The following SLC44A4 variants were observed in gnomAD, a reference collection of about 807,000 sequenced individuals.
SLC44A4 encodes choline transporter-like protein 4.
A neutral mutation model predicts 97.0 loss-of-function variants in SLC44A4; 74 were observed. That is an observed-to-expected ratio of 0.76 (90% CI 0.63 to 0.93). The LOEUF (loss-of-function observed/expected upper bound fraction) is 0.93, where lower values mean the gene tolerates loss of function less well. Among genes scored for constraint, SLC44A4 ranks in the 40% least tolerant of loss-of-function variants. The pLI is 0.00. For missense variants in SLC44A4, 799 were observed against 902.9 expected (o/e 0.88, Z 1.48); for synonymous variants, 325 against 363.8 (o/e 0.89, Z 1.21).
chr6:31,864,532 G>T, intron 20 of SLC44A4, 120 bp downstream of exon 20: 1 of 920,294 alleles, frequency 1.1e-6, no homozygotes, highest in Non-Finnish European at 1.7e-6. Context: ...AGCTCCCTCT[G>T]GTTCGTTTAG....
In SLC44A4 at chr6:31,863,294, C is replaced by T; in HGVS notation, c.*333G>A. 2 of 266,716 alleles carry T rather than the reference C, an allele frequency of 7.5e-6. No individual in the cohort carries two copies. Among genetic ancestry groups the T allele is most frequent in the Non-Finnish European group, 1.4e-5 (2 of 140,572 alleles). The allele number at this position is 266,716 out of a possible 1,614,324, so 16.5% of individuals were successfully genotyped here. A position where few individuals can be genotyped will look rare whatever the true frequency, so the allele number is the denominator to read the frequency against. ...AGGTTGGAGTGCAGTGGCGCGATCT[C>T]GGCTCACTGCAACCTCTGCCTCCCG... On this transcript the variant is annotated 3_prime_UTR_variant, in exon 21 of 21. Transcript: ENST00000229729.
chr6:31,863,659 C>T lies in SLC44A4; in HGVS notation c.2101G>A (p.Ala701Thr). The T allele has an allele frequency of 6.2e-7, 1 of 1,612,216 alleles. No homozygotes were observed. The highest frequency in any genetic ancestry group is 8.5e-7 in the Non-Finnish European group (1 of 1,179,728). The change falls in exon 21 of 21, where the codon GCG becomes ACG. Residue 701 changes from alanine to threonine, a missense_variant. Around this residue, in one of 3 missense-constraint regions of SLC44A4, gnomAD observed 379 missense variants for 438.3 expected, o/e 0.86. Coordinates refer to ENST00000229729, the MANE Select transcript of SLC44A4 (RefSeq NM_025257.3). Reference sequence around the variant, plus strand: ...TTCCTCTTCTTGTTGTCCGGGGGCGCCTCGTTCTTCTTGCCCAGAATCTTT... The same window carrying T: ...TTCCTCTTCTTGTTGTCCGGGGGCGTCTCGTTCTTCTTGCCCAGAATCTTT... ...LLKILGKKNE[A>T]PPDNKKRKK
At position 31,877,066 on chromosome 6, in the gene SLC44A4, GTA is replaced by G; in HGVS notation, c.55_56del (p.Tyr19ArgfsTer64). On this transcript the variant is annotated frameshift_variant, in exon 2 of 21. Transcript: ENST00000229729. LOFTEE classifies it high-confidence loss of function. The surrounding 1 kb of genome is among the most constrained non-coding windows in gnomAD (Gnocchi z 6.5). ...TGATGGGGCCTCGAAAGGAGGGGTCGTATTTGACTGGCTTCCCTGAGGGACAT... is the reference window on the plus strand; with the variant it reads ...TGATGGGGCCTCGAAAGGAGGGGTCGTTTGACTGGCTTCCCTGAGGGACAT... The part of the protein sequence containing the change: ...DDEAYGKPVK[Y>X]DPSFRGPIKN... 6.2e-7 allele frequency: 1 copy of G among 1,610,312 alleles called. No individual in the cohort carries two copies. The highest frequency in any genetic ancestry group is 1.7e-5 in the Admixed American group (1 of 59,586).
chr6:31,872,338 C>T (rs576433553), intron 7 of SLC44A4, among the ~76,000 whole-genome samples: 48 of 152,218 alleles, frequency 3.2e-4, no homozygotes, highest in African/African-American at 9.6e-4. Flanking sequence ...TGGGCTCAAG[C>T]GATCCTCCCC....
rs1231310506 is a variant in SLC44A4, at chr6:31,870,827, TCTC to T, written c.919_921del (p.Glu307del). On this transcript the variant is annotated inframe_deletion, in exon 10 of 21. Transcript: ENST00000229729. Reference sequence around the variant, plus strand: ...GGACACTCACGGGCGGCCAGCCAGGTCTCCTGCACGCTCTGGTAGGCACTGAGG... The same window carrying T: ...GGACACTCACGGGCGGCCAGCCAGGTCTGCACGCTCTGGTAGGCACTGAGG... The T allele has an allele frequency of 5.6e-6, 9 of 1,612,950 alleles. No homozygotes were observed. The highest frequency in any genetic ancestry group is 5.9e-6 in the Non-Finnish European group (7 of 1,179,988).
At chr6:31,869,383 G>A in intron 12 of SLC44A4, 126 bp from the exon 13 acceptor site, 1 of 953,994 alleles carries the variant, frequency 1.0e-6, no homozygotes, top group South Asian at 1.6e-5. Context: ...TTCAGCCTGT[G>A]TGCACCCTTT....
In SLC44A4 at chr6:31,866,067, G is replaced by A; in HGVS notation, c.1293C>T (p.Ser431=). The A allele has an allele frequency of 6.2e-7, 1 of 1,614,206 alleles. No individual in the cohort carries two copies. The highest frequency in any genetic ancestry group is 1.1e-5 in the South Asian group (1 of 91,090). The change falls in exon 14 of 21, where the codon TCC becomes TCT. Residue 431 remains serine (S), a synonymous_variant. Coordinates refer to ENST00000229729, the MANE Select transcript of SLC44A4 (RefSeq NM_025257.3). The part of the protein sequence containing the change: ...GLMCVFQGYS[S]KGLIQRSVFN... ...AGACAGAACGTTGGATTAGGCCTTT[G>A]GATGAGTAGCCCTGGAAGACGCACA... is the stretch of plus-strand genomic sequence containing the variant.
chr6:31,864,219 C>T (rs1473831339), intron 20 of SLC44A4, among the ~76,000 whole-genome samples: 1 of 152,144 alleles, frequency 6.6e-6, no homozygotes, highest in African/African-American at 2.4e-5. Flanking sequence ...GGATTACAGG[C>T]GCCCGCCACC....
At position 31,865,627 on chromosome 6, in the gene SLC44A4, G is replaced by T. The variant is rs1057214009; in HGVS notation, c.1583-26C>A. On this transcript the variant is annotated intron_variant, in intron 15 of 20. Coordinates refer to ENST00000229729, the MANE Select transcript of SLC44A4 (RefSeq NM_025257.3). The surrounding 1 kb of genome is among the most constrained non-coding windows in gnomAD (Gnocchi z 5.2). ...CTGGGAGCGAGGAAGGCTCATGTTT[G>T]GTCACTGCCCCTCCCTAATGGCCTT... 5 of 1,609,468 alleles carry T rather than the reference G, an allele frequency of 3.1e-6. No individual in the cohort carries two copies. The highest frequency in any genetic ancestry group is 4.2e-6 in the Non-Finnish European group (5 of 1,177,002).
chr6:31,877,065 C>A lies in SLC44A4; in HGVS notation c.58G>T (p.Asp20Tyr). 6.2e-7 allele frequency: 1 copy of A among 1,610,408 alleles called. No individual in the cohort carries two copies. The highest frequency in any genetic ancestry group is 1.3e-5 in the African/African-American group (1 of 75,010). ...DEAYGKPVKY[D>Y]PSFRGPIKNR... ...TTGATGGGGCCTCGAAAGGAGGGGT[C>A]GTATTTGACTGGCTTCCCTGAGGGA... is the stretch of plus-strand genomic sequence containing the variant. The change falls in exon 2 of 21, where the codon GAC becomes TAC. Residue 20 changes from aspartate to tyrosine, a missense_variant. Transcript: ENST00000229729. This position sits in a 1 kb window ranked among gnomAD's most constrained non-coding sequence, Gnocchi z 6.5.
At chr6:31,869,286 ACACGAGGT>A (rs1306396740) in intron 12 of SLC44A4, 29 bp from the exon 13 acceptor site, 1 of 1,551,418 alleles carries the variant, frequency 6.4e-7, no homozygotes, top group Admixed American at 1.8e-5. Context: ...AAGCATGATC[ACACGAGGT>A]CTCCACAGGT....
chr6:31,874,911 C>T lies in SLC44A4; in HGVS notation c.342+18G>A, dbSNP rs1763363041. The stretch of plus-strand genomic sequence containing the variant: ...CCCTGGGTGAGATCTGGGGTAGAGG[C>T]AGGTCCCAGGCTCTGACCTGGGGTG... On this transcript the variant is annotated intron_variant, in intron 5 of 20. Coordinates refer to ENST00000229729, the MANE Select transcript of SLC44A4 (RefSeq NM_025257.3). The surrounding 1 kb of genome is among the most constrained non-coding windows in gnomAD (Gnocchi z 4.8). 5 of 1,613,662 alleles carry T rather than the reference C, an allele frequency of 3.1e-6. No homozygotes were observed. The highest frequency in any genetic ancestry group is 4.2e-6 in the Non-Finnish European group (5 of 1,179,878).
chr6:31,865,245 C>G lies in SLC44A4; in HGVS notation c.1760+70G>C. On this transcript the variant is annotated intron_variant, in intron 17 of 20. Coordinates refer to ENST00000229729, the MANE Select transcript of SLC44A4 (RefSeq NM_025257.3). The surrounding 1 kb of genome is among the most constrained non-coding windows in gnomAD (Gnocchi z 5.2). The stretch of plus-strand genomic sequence containing the variant: ...GTCTAGGGCCCGACTGAGCACAGCA[C>G]ACCCACGAAGCCAGCCTTGGGTGGG... 6.3e-7 allele frequency: 1 copy of G among 1,584,518 alleles called. No homozygotes were observed. Among genetic ancestry groups the G allele is most frequent in the Non-Finnish European group, 8.7e-7 (1 of 1,153,310 alleles).
intron 10 of SLC44A4, 41 bp from the exon 11 acceptor site, chr6:31,870,743 G>T: frequency 6.2e-7 from 1 of 1,611,260 alleles, no homozygotes; most frequent in Non-Finnish European, 8.5e-7. Flanking sequence ...CAGGGCCAGG[G>T]CTGGGGCCGG....
At chr6:31,868,069 C>T (rs778978219) in intron 13 of SLC44A4, among the ~76,000 whole-genome samples, 9 of 152,136 alleles carry the variant, frequency 5.9e-5, no homozygotes, top group Non-Finnish European at 8.8e-5. Flanking sequence ...CTGCCCACCT[C>T]GGCCTCCTAA....
In SLC44A4 at chr6:31,875,015, G is replaced by T. The variant is rs144798042; in HGVS notation, c.256C>A (p.Leu86Ile). 9 of 1,612,308 alleles carry T rather than the reference G, an allele frequency of 5.6e-6. No individual in the cohort carries two copies. The Admixed American group carries it at 8.3e-5, about 15-fold the overall frequency. Residue 86 changes from leucine (L) to isoleucine (I), a missense_variant, in exon 5 of 21, where the codon CTC (leucine) becomes ATC (isoleucine). Transcript: ENST00000229729. Reference sequence around the variant, plus strand: ...CAGCTGAAGATGTTGAAGTACAGGAGATACGGCTTATCTCTGTGGGAGGGG... The same window carrying T: ...CAGCTGAAGATGTTGAAGTACAGGATATACGGCTTATCTCTGTGGGAGGGG... Reference protein sequence around the residue: ...GMGENKDKPYLLYFNIFSCIL... With the variant: ...GMGENKDKPYILYFNIFSCIL...
rs966259166 is a variant in SLC44A4 at position 31,871,033 on chromosome 6, G to A, written c.716C>T (p.Ala239Val). The A allele has an allele frequency of 1.7e-5, 27 of 1,608,054 alleles. No individual in the cohort carries two copies. The highest frequency in any genetic ancestry group is 2.3e-5 in the Non-Finnish European group (27 of 1,178,190). The change falls in exon 10 of 21, where the codon GCT (alanine) becomes GTT (valine). Residue 239 changes from alanine to valine, a missense_variant. Coordinates refer to ENST00000229729, the MANE Select transcript of SLC44A4 (RefSeq NM_025257.3). ...WYWILVALGV[A>V]LVLSLLFILL... ...GATAAACAGTAGGCTCAAGACCAGA[G>A]CCACCCCCAGGGCACTGTAGGCAGG...
chr6:31,874,720 C>T lies in SLC44A4; in HGVS notation c.468+1G>A. 1 of 1,608,230 alleles carries T rather than the reference C, an allele frequency of 6.2e-7. No homozygotes were observed. Among genetic ancestry groups the T allele is most frequent in the South Asian group, 1.1e-5 (1 of 89,918 alleles). ...GTGATGAGGTTAGGGGCAATATTCACCATATTCCAGGGTACCCCTGGCAGA... is the reference window on the plus strand; with the variant it reads ...GTGATGAGGTTAGGGGCAATATTCATCATATTCCAGGGTACCCCTGGCAGA... On this transcript the variant is annotated splice_donor_variant, in intron 6 of 20. Coordinates refer to ENST00000229729, the MANE Select transcript of SLC44A4 (RefSeq NM_025257.3). LOFTEE classifies it high-confidence loss of function. The surrounding 1 kb of genome is among the most constrained non-coding windows in gnomAD (Gnocchi z 4.8).
intron 13 of SLC44A4, 79 bp from the exon 14 acceptor site, chr6:31,866,205 G>C: frequency 6.5e-7 from 1 of 1,531,370 alleles, no homozygotes; most frequent in South Asian, 1.2e-5. Flanking sequence ...ATTCCCAGTA[G>C]CTCCTGCCCC....
Sources: gnomAD v4.1 joint callset for allele counts (sites outside exome capture counted in the v4.1 genomes callset) on GRCh38, gnomAD v4.1.1 for gene constraint, gnomAD v4.1.1 regional missense constraint, Gnocchi (gnomAD v3.1) non-coding constraint, MANE v1.5 for transcripts, NCBI Gene and HGNC (gene_info 2026-07-23, HGNC 2026-07-21) for gene names.